KIF26B: variants seen among roughly 807,000 people sequenced by gnomAD.
KIF26B encodes the protein kinesin-like protein KIF26B.
In KIF26B, 63 loss-of-function variants were observed where a neutral mutation model predicts 151.2. The ratio of observed to expected loss-of-function variants is 0.42; its 90% CI spans 0.34 to 0.51. The LOEUF is 0.51. Among genes scored for constraint, KIF26B ranks in the 20% least tolerant of loss-of-function variants. KIF26B has a pLI of 0.07. For synonymous variants in KIF26B, 1,357 were observed against 1,262.1 expected (o/e 1.08, Z -1.59); for missense variants, 2,813 against 2,913.6 (o/e 0.97, Z 0.79).
At position 245,563,938 on chromosome 1, in the gene KIF26B, CATCT is replaced by C. The variant is rs1278109184; in HGVS notation, c.1350+22989_1350+22992del. 1.3e-5 allele frequency among the ~76,000 whole-genome samples: 2 copies of C among 152,142 alleles called. No homozygotes were observed. The highest frequency in any genetic ancestry group is 6.6e-5 in the Admixed American group (1 of 15,264). ...CTTTTTCTCTCCCTGTCCGTGCATC[CATCT>C]GTTTCTGCACTCTCTTCGGTGCATC... is the stretch of plus-strand genomic sequence containing the variant. On this transcript the variant is annotated intron_variant, in intron 5 of 14. Coordinates refer to ENST00000407071, the MANE Select transcript of KIF26B (RefSeq NM_018012.4). The surrounding 1 kb of genome is among the most constrained non-coding windows in gnomAD (Gnocchi z 4.6).
chr1:245,197,165 A>G (rs1031419017), intron 2 of KIF26B, among the ~76,000 whole-genome samples: 1 of 152,218 alleles, frequency 6.6e-6, no homozygotes, highest in African/African-American at 2.4e-5. Flanking sequence ...ACAACCTTCC[A>G]CACTCAAGAT....
At chr1:245,279,518 A>C (rs1041864913) in intron 2 of KIF26B, among the ~76,000 whole-genome samples, 2 of 151,938 alleles carry the variant, frequency 1.3e-5, no homozygotes, top group African/African-American at 4.8e-5. Context: ...CATCTTGCCC[A>C]AGCTGGTCTT....
chr1:245,365,513 T>TCCCCCCCCCCCCCC (rs528122828), intron 2 of KIF26B, among the ~76,000 whole-genome samples: 1 of 137,242 alleles, frequency 7.3e-6, no homozygotes, highest in African/African-American at 3.1e-5. Flanking sequence ...GCCTCACAAC[T>TCCCCCCCCCCCCCC]CCCCCCCACC....
chr1:245,648,796 CCCTT>C, intron 10 of KIF26B, among the ~76,000 whole-genome samples: 1 of 152,142 alleles, frequency 6.6e-6, no homozygotes, highest in East Asian at 1.9e-4. Flanking sequence ...TCCAGGAGTC[CCCTT>C]CCTTCTATTC....
Position 245,687,822 on chromosome 1 carries a change from C to A in KIF26B, c.4839C>A (p.Ser1613Arg). ...GCCTGGACCAGAAGAACCGGGCCAG[C>A]CCTCAGCACAGTGCCAGCGGCAGCG... ...KSSLDQKNRA[S>R]PQHSASGSGT... Residue 1613 changes from serine to arginine, a missense_variant, in exon 12 of 15, where the codon AGC (serine) becomes AGA (arginine). Around this residue, in one of 3 missense-constraint regions of KIF26B, gnomAD observed 2,060 missense variants for 2,088.6 expected, o/e 0.99. Coordinates refer to ENST00000407071, the MANE Select transcript of KIF26B (RefSeq NM_018012.4). This position sits in a 1 kb window ranked among gnomAD's most constrained non-coding sequence, Gnocchi z 4.9. The A allele has an allele frequency of 6.3e-7, 1 of 1,596,610 alleles. No individual in the cohort carries two copies. Among genetic ancestry groups the A allele is most frequent in the Non-Finnish European group, 8.5e-7 (1 of 1,172,318 alleles).
Position 245,540,839 on chromosome 1 carries a change from A to G in KIF26B, c.1239A>G (p.Pro413=). Residue 413 remains proline, a synonymous_variant, in exon 5 of 15, where the codon CCA becomes CCG. Coordinates refer to ENST00000407071, the MANE Select transcript of KIF26B (RefSeq NM_018012.4). The surrounding 1 kb of genome is among the most constrained non-coding windows in gnomAD (Gnocchi z 4.6). The part of the protein sequence containing the change: ...HRPSTSSAAE[P]PLFATSFSGI... Reference sequence around the variant, plus strand: ...CTTCCACTTCTTCCGCTGCCGAACCACCGCTCTTTGCAACCAGCTTCAGTG... The same window carrying G: ...CTTCCACTTCTTCCGCTGCCGAACCGCCGCTCTTTGCAACCAGCTTCAGTG... The G allele has an allele frequency of 6.2e-7, 1 of 1,613,864 alleles. No individual in the cohort carries two copies. Among genetic ancestry groups the G allele is most frequent in the Non-Finnish European group, 8.5e-7 (1 of 1,179,852 alleles).
At chr1:245,255,404 G>A (rs1670514547) in intron 2 of KIF26B, among the ~76,000 whole-genome samples, 1 of 152,214 alleles carries the variant, frequency 6.6e-6, no homozygotes, top group African/African-American at 2.4e-5. Context: ...CATTCCTGTT[G>A]AGATTCCTGA....
intron 4 of KIF26B, among the ~76,000 whole-genome samples, chr1:245,502,395 C>T (rs757540395): frequency 1.8e-4 from 28 of 151,944 alleles, no homozygotes; most frequent in South Asian, 6.2e-4. Context: ...GGTGTATTGG[C>T]GCACGCCTGT....
intron 2 of KIF26B, among the ~76,000 whole-genome samples, chr1:245,195,545 C>T (rs1669176117): frequency 6.6e-6 from 1 of 152,184 alleles, no homozygotes; most frequent in South Asian, 2.1e-4. Context: ...GGAGGGGCAT[C>T]TTCCTTTCCT....
intron 2 of KIF26B, among the ~76,000 whole-genome samples, chr1:245,194,375 A>G (rs1453574556): frequency 6.6e-6 from 1 of 152,148 alleles, no homozygotes; most frequent in Non-Finnish European, 1.5e-5. Context: ...GACACTGCAA[A>G]CAAAACTCTA....
At chr1:245,235,879 C>T (rs1038280192) in intron 2 of KIF26B, among the ~76,000 whole-genome samples, 4 of 151,812 alleles carry the variant, frequency 2.6e-5, no homozygotes, top group African/African-American at 4.8e-5. Context: ...TGCTTATCGC[C>T]TTCCCAAAAC....
rs1273312435 is a variant in KIF26B at position 245,218,609 on chromosome 1, C to G, written c.465+61926C>G. Among the ~76,000 whole-genome samples, 1 of 152,088 alleles carries G rather than the reference C, an allele frequency of 6.6e-6. No individual in the cohort carries two copies. The highest frequency in any genetic ancestry group is 6.6e-5 in the Admixed American group (1 of 15,260). ...GCCCCATTTCTAGCCCAGGGTGACC[C>G]CAGGAGCTCTGCAGTGTGCCGCATG... On this transcript the variant is annotated intron_variant, in intron 2 of 14. Coordinates refer to ENST00000407071, the MANE Select transcript of KIF26B (RefSeq NM_018012.4). The surrounding 1 kb of genome is among the most constrained non-coding windows in gnomAD (Gnocchi z 4.1).
intron 4 of KIF26B, among the ~76,000 whole-genome samples, chr1:245,518,204 C>T (rs868017851): frequency 1.7e-4 from 26 of 152,228 alleles, no homozygotes; most frequent in Middle Eastern, 3.4e-3. Flanking sequence ...TTCCTGATGA[C>T]TAAGACAACG....
intron 5 of KIF26B, among the ~76,000 whole-genome samples, chr1:245,590,979 T>C (rs2043283149): frequency 6.6e-6 from 1 of 151,372 alleles, no homozygotes; most frequent in South Asian, 2.1e-4. Flanking sequence ...TCTGTGAGTG[T>C]AGGATGATTC....
chr1:245,408,083 T>C (rs1674180059), intron 3 of KIF26B, among the ~76,000 whole-genome samples: 1 of 152,130 alleles, frequency 6.6e-6, no homozygotes. Context: ...ATTCTGTACA[T>C]AGGAGCTGGC....
intron 2 of KIF26B, among the ~76,000 whole-genome samples, chr1:245,296,527 G>A (rs1456631777): frequency 6.6e-6 from 1 of 152,174 alleles, no homozygotes; most frequent in Non-Finnish European, 1.5e-5. Context: ...GTGCACCAAG[G>A]TCAGTCCTGG....
At chr1:245,384,171 T>A (rs934679899) in intron 3 of KIF26B, among the ~76,000 whole-genome samples, 5 of 152,110 alleles carry the variant, frequency 3.3e-5, no homozygotes, top group African/African-American at 1.2e-4. Context: ...TGCTCCGGCT[T>A]TACGAGGCTG....
chr1:245,243,944 C>A (rs11802021), intron 2 of KIF26B, among the ~76,000 whole-genome samples: 5,765 of 151,930 alleles, frequency 0.038, 135 homozygotes, highest in Non-Finnish European at 0.043. Flanking sequence ...TTATTTTTCC[C>A]TTTTTTGACT....
Position 245,561,956 on chromosome 1 carries a change from T to TTTCTTGCTGTGGA in KIF26B, c.1350+21008_1350+21020dup, listed in dbSNP as rs752194766. ...TCTTTACAGCTTTCTGTGGCCTGAT[T>TTTCTTGCTGTGGA]TTCTTGCTGTGGATGCTGAAGGGCA... On this transcript the variant is annotated intron_variant, in intron 5 of 14. Transcript: ENST00000407071. 6.5e-4 allele frequency among the ~76,000 whole-genome samples: 99 copies of TTTCTTGCTGTGGA among 152,292 alleles called. 1 individual carries two copies. The highest frequency in any genetic ancestry group is 1.2e-3 in the Admixed American group (18 of 15,294).
Sources: gnomAD v4.1 joint callset for allele counts (sites outside exome capture counted in the v4.1 genomes callset) on GRCh38, gnomAD v4.1.1 for gene constraint, gnomAD v4.1.1 regional missense constraint, Gnocchi (gnomAD v3.1) non-coding constraint, MANE v1.5 for transcripts, NCBI Gene and HGNC (gene_info 2026-07-23, HGNC 2026-07-21) for gene names.